SNX25: variants seen among roughly 807,000 people sequenced by gnomAD.
The protein encoded by SNX25 is sorting nexin-25.
Under a neutral mutation model 113.7 loss-of-function variants are expected in SNX25, and 62 were observed. That is an observed-to-expected ratio of 0.55 (90% CI 0.44 to 0.67). The LOEUF is 0.67. SNX25 is among the 30% of genes least tolerant of loss of function. The pLI is 0.00. For synonymous variants in SNX25, 421 were observed against 436.2 expected (o/e 0.97, Z 0.43); for missense variants, 1,014 against 1,161.0 (o/e 0.87, Z 1.84).
chr4:185,250,366 T>A (rs1282715834), intron 2 of SNX25, among the ~76,000 whole-genome samples: 2 of 152,226 alleles, frequency 1.3e-5, no homozygotes, highest in Non-Finnish European at 2.9e-5. Flanking sequence ...TTTCCACTGG[T>A]CTCCTGTAGT....
chr4:185,295,356 AC>A (rs1752695541), intron 6 of SNX25, among the ~76,000 whole-genome samples: 1 of 152,190 alleles, frequency 6.6e-6, no homozygotes, highest in Non-Finnish European at 1.5e-5. Flanking sequence ...TTAGTATTCA[AC>A]CTAGAGATAG....
intron 9 of SNX25, among the ~76,000 whole-genome samples, chr4:185,328,747 A>G (rs2095173651): frequency 6.6e-6 from 1 of 152,182 alleles, no homozygotes; most frequent in Non-Finnish European, 1.5e-5. Context: ...GGAGAAAGGG[A>G]CATGAACGCG....
At chr4:185,311,417 AAATC>A (rs892526066) in intron 7 of SNX25, among the ~76,000 whole-genome samples, 28 of 152,204 alleles carry the variant, frequency 1.8e-4, no homozygotes, top group African/African-American at 6.5e-4. Context: ...AATACCAACC[AAATC>A]ACGGAGCTTA....
chr4:185,291,180 T>C (rs1752113844), intron 6 of SNX25, among the ~76,000 whole-genome samples: 1 of 152,130 alleles, frequency 6.6e-6, no homozygotes, highest in Non-Finnish European at 1.5e-5. Flanking sequence ...AAAAGATTTT[T>C]CTTTTGGGGA....
At chr4:185,287,624 T>A (rs1468706038) in intron 5 of SNX25, among the ~76,000 whole-genome samples, 1 of 152,214 alleles carries the variant, frequency 6.6e-6, no homozygotes, top group Non-Finnish European at 1.5e-5. Flanking sequence ...TTTAATTGGA[T>A]AGCCACATGT....
At chr4:185,254,583 G>A (rs578180712) in intron 2 of SNX25, among the ~76,000 whole-genome samples, 16 of 152,276 alleles carry the variant, frequency 1.1e-4, no homozygotes, top group Admixed American at 2.0e-4. Flanking sequence ...TGTGGGTAGC[G>A]ATTACCTAAC....
At chr4:185,346,081 A>G (rs1465578939) in intron 12 of SNX25, among the ~76,000 whole-genome samples, 3 of 151,762 alleles carry the variant, frequency 2.0e-5, no homozygotes, top group Non-Finnish European at 4.4e-5. Flanking sequence ...CTGGTCTTGA[A>G]CTCCTGACCT....
At position 185,323,633 on chromosome 4, in the gene SNX25, G is replaced by A. The variant is rs781436636; in HGVS notation, c.1582G>A (p.Val528Ile). 4.3e-6 allele frequency: 7 copies of A among 1,613,698 alleles called. 1 individual carries two copies. In the South Asian group the frequency reaches 7.7e-5, roughly 18 times the overall value. ...TTACAAAGAAATTCAGCAGTGTCTT[G>A]TAGGAAATAAAGGTATTGAAGTATT... is the stretch of plus-strand genomic sequence containing the variant. ...SLYKEIQQCLVGNKGIEVFYK... is the reference protein window; with the variant it reads ...SLYKEIQQCLIGNKGIEVFYK... Residue 528 changes from valine to isoleucine, a missense_variant, in exon 9 of 19, where the codon GTA becomes ATA. Transcript: ENST00000652585.
At chr4:185,304,248 G>A (rs1280382024) in intron 6 of SNX25, among the ~76,000 whole-genome samples, 2 of 152,208 alleles carry the variant, frequency 1.3e-5, no homozygotes, top group East Asian at 3.8e-4. Flanking sequence ...TGGCTTTAGT[G>A]ATCACGGCTC....
chr4:185,205,148 CTT>C (rs1386173907), upstream of SNX25, among the ~76,000 whole-genome samples: 1 of 152,222 alleles, frequency 6.6e-6, no homozygotes, highest in African/African-American at 2.4e-5. Flanking sequence ...AATCAATTCT[CTT>C]TTTGTTGCCT....
the SNX25 span, among the ~76,000 whole-genome samples, chr4:185,376,408 C>CT: frequency 6.7e-6 from 1 of 149,770 alleles, no homozygotes; most frequent in Non-Finnish European, 1.5e-5. Flanking sequence ...TCCCAAGTAG[C>CT]TGGGATTACA....
chr4:185,253,687 T>C (rs1745995845), intron 2 of SNX25, among the ~76,000 whole-genome samples: 1 of 152,218 alleles, frequency 6.6e-6, no homozygotes, highest in African/African-American at 2.4e-5. Flanking sequence ...CAGGCTTTTC[T>C]TGAATTCCTG....
intron 15 of SNX25, among the ~76,000 whole-genome samples, chr4:185,355,173 G>A (rs975837863): frequency 6.6e-6 from 1 of 152,230 alleles, no homozygotes; most frequent in Non-Finnish European, 1.5e-5. Context: ...CCTGACCCAT[G>A]GTAGGGGATC....
upstream of SNX25, among the ~76,000 whole-genome samples, chr4:185,205,710 T>C (rs1455496208): frequency 1.3e-5 from 2 of 152,098 alleles, no homozygotes; most frequent in Non-Finnish European, 1.5e-5. Context: ...ACATCTGTAA[T>C]CCCAGCTACT....
At chr4:185,376,979 A>G in the SNX25 span, 1 of 1,614,002 alleles carries the variant, frequency 6.2e-7, no homozygotes, top group Non-Finnish European at 8.5e-7. Context: ...TTCCTTCAAG[A>G]GCTGCAATGC....
chr4:185,231,858 G>A (rs2126411947), intron 1 of SNX25, among the ~76,000 whole-genome samples: 1 of 152,264 alleles, frequency 6.6e-6, no homozygotes, highest in South Asian at 2.1e-4. Flanking sequence ...GGATATAAAA[G>A]TCTGTCTCTT....
chr4:185,340,232 C>T (rs185840474), intron 11 of SNX25, among the ~76,000 whole-genome samples: 1 of 152,248 alleles, frequency 6.6e-6, no homozygotes. Context: ...TATGGCTTAT[C>T]TTTGTTCTTC....
At chr4:185,221,687 G>C (rs1337871466) in intron 1 of SNX25, among the ~76,000 whole-genome samples, 1 of 151,974 alleles carries the variant, frequency 6.6e-6, no homozygotes, top group Non-Finnish European at 1.5e-5. Context: ...GCTCTTCCTA[G>C]CTCTCTAGCC....
chr4:185,357,092 G>A (rs1028379996), intron 15 of SNX25, among the ~76,000 whole-genome samples: 2 of 152,146 alleles, frequency 1.3e-5, no homozygotes, highest in African/African-American at 4.8e-5. Context: ...GTGCCCTCCT[G>A]CTATGGGGGT....
Sources: gnomAD v4.1 joint callset for allele counts (sites outside exome capture counted in the v4.1 genomes callset) on GRCh38, gnomAD v4.1.1 for gene constraint, MANE v1.5 for transcripts, NCBI Gene and HGNC (gene_info 2026-07-23, HGNC 2026-07-21) for gene names.